ZFP91: variants seen among roughly 807,000 people sequenced by gnomAD.
The protein encoded by ZFP91 is E3 ubiquitin-protein ligase ZFP91.
A neutral mutation model predicts 63.5 loss-of-function variants in ZFP91; 7 were observed. The observed-to-expected ratio is 0.11, with a 90% CI of 0.06 to 0.21. ZFP91 has a LOEUF of 0.21. ZFP91 is among the 10% of genes least tolerant of loss of function. The pLI is 1.00. For synonymous variants in ZFP91, 330 were observed against 272.1 expected, an observed-to-expected ratio of 1.21 and a Z score of -2.10; for missense variants, 628 against 736.6, an observed-to-expected ratio of 0.85 and a Z score of 1.71.
intron 2 of ZFP91, among the ~76,000 whole-genome samples, chr11:58,609,566 T>G (rs1262716996): frequency 6.6e-6 from 1 of 152,240 alleles, no homozygotes; most frequent in Non-Finnish European, 1.5e-5. Flanking sequence ...TAAGTGTATT[T>G]TGCATAGTTA....
intron 1 of ZFP91, among the ~76,000 whole-genome samples, chr11:58,580,092 G>A (rs1468198885): frequency 9.0e-6 from 1 of 110,520 alleles, no homozygotes; most frequent in Admixed American, 8.7e-5. Context: ...TGTTTATGTA[G>A]CTTTTTTTTT....
intron 3 of ZFP91, 72 bp from the exon 4 acceptor site, chr11:58,610,225 AT>A: frequency 6.6e-7 from 1 of 1,523,740 alleles, no homozygotes; most frequent in Non-Finnish European, 8.9e-7. Flanking sequence ...TTTGATTTGC[AT>A]TTCTTGACTG....
chr11:58,607,632 T>C (rs1855589995), intron 2 of ZFP91, among the ~76,000 whole-genome samples: 2 of 152,204 alleles, frequency 1.3e-5, no homozygotes, highest in Admixed American at 1.3e-4. Context: ...TTCAGTATAT[T>C]GTCATAAAAC....
Position 58,611,632 on chromosome 11 carries a change from G to A in ZFP91, c.751G>A (p.Gly251Arg). Reference sequence around the variant, plus strand: ...AACCCCAAAGCCACGGAGAAAATCAGGGAAGGTAAAAGAAGAGAAGGAGAA... The same window carrying A: ...AACCCCAAAGCCACGGAGAAAATCAAGGAAGGTAAAAGAAGAGAAGGAGAA... ...RETPKPRRKS[G>R]KVKEEKEKKE... Residue 251 changes from glycine (G) to arginine (R), a missense_variant, in exon 6 of 11, where the codon GGG (glycine) becomes AGG (arginine). By Grantham distance (125) the Gly-to-Arg change is moderately radical. Coordinates refer to ENST00000316059, the MANE Select transcript of ZFP91 (RefSeq NM_053023.5). 1 of 1,612,572 alleles carries A rather than the reference G, an allele frequency of 6.2e-7. No individual in the cohort carries two copies. Among genetic ancestry groups the A allele is most frequent in the Non-Finnish European group, 8.5e-7 (1 of 1,179,114 alleles).
Position 58,579,474 on chromosome 11 carries a change from G to A in ZFP91, c.193G>A (p.Ala65Thr). The change falls in exon 1 of 11, where the codon GCC (alanine) becomes ACC (threonine). Residue 65 changes from alanine (A) to threonine (T), a missense_variant. Around this residue, in one of 3 missense-constraint regions of ZFP91, gnomAD observed 437 missense variants for 380.3 expected, o/e 1.15. Coordinates refer to ENST00000316059, the MANE Select transcript of ZFP91 (RefSeq NM_053023.5). ...AGGCCGGGCCGCTGCGGCCGCCGCC[G>A]CCGCAGCTGTGTCCCGCCGGAGGAA... ...DRGRAAAAAA[A>T]AAVSRRRKAE... 1.4e-6 allele frequency: 2 copies of A among 1,478,752 alleles called. No individual in the cohort carries two copies. Among genetic ancestry groups the A allele is most frequent in the Admixed American group, 2.6e-5 (1 of 38,942 alleles). The allele number at this position is 1,478,752 out of a possible 1,614,324, so 91.6% of individuals were successfully genotyped here. A position where few individuals can be genotyped will look rare whatever the true frequency, so the allele number is the denominator to read the frequency against.
chr11:58,579,148 A>T lies in ZFP91; in HGVS notation c.-134A>T, dbSNP rs965274100. 2.1e-6 allele frequency: 1 copy of T among 471,244 alleles called. No homozygotes were observed. Among genetic ancestry groups the T allele is most frequent in the Non-Finnish European group, 2.8e-6 (1 of 354,270 alleles). The allele number at this position is 471,244 out of a possible 1,614,324, so 29.2% of individuals were successfully genotyped here. A position where few individuals can be genotyped will look rare whatever the true frequency, so the allele number is the denominator to read the frequency against. On this transcript the variant is annotated 5_prime_UTR_variant, in exon 1 of 11. Transcript: ENST00000316059. ...GCGCCCTCGGAGCCGGGCGGAGGGG[A>T]GGGGGGAAAGAGGAGCGCAGGGTGA...
At chr11:58,616,956 T>C in intron 10 of ZFP91, 141 bp downstream of exon 10, 1 of 889,222 alleles carries the variant, frequency 1.1e-6, no homozygotes, top group Non-Finnish European at 1.7e-6. Context: ...GGGGCATTAG[T>C]TAGTAGCCTT....
Position 58,617,844 on chromosome 11 carries a change from A to G in ZFP91, c.*138A>G, listed in dbSNP as rs2134427589. ...CTCTTTCCATTGTGGATCACAGCAC[A>G]CACATACATACACCCTCCACCTCCC... On this transcript the variant is annotated 3_prime_UTR_variant, in exon 11 of 11. Coordinates refer to ENST00000316059, the MANE Select transcript of ZFP91 (RefSeq NM_053023.5). The surrounding 1 kb of genome is among the most constrained non-coding windows in gnomAD (Gnocchi z 4.2). 1.8e-6 allele frequency: 2 copies of G among 1,119,012 alleles called. No homozygotes were observed. The highest frequency in any genetic ancestry group is 2.3e-6 in the Non-Finnish European group (2 of 852,004). The allele number at this position is 1,119,012 out of a possible 1,614,324, so 69.3% of individuals were successfully genotyped here.
At chr11:58,595,589 TG>T (rs1287740264) in intron 2 of ZFP91, among the ~76,000 whole-genome samples, 229 of 128,508 alleles carry the variant, frequency 1.8e-3, no homozygotes, top group African/African-American at 6.1e-3. Flanking sequence ...TTTTTTTTTT[TG>T]GTTTTGAGAC....
At chr11:58,610,928 A>T in intron 4 of ZFP91, 22 bp from the exon 5 acceptor site, 1 of 1,603,670 alleles carries the variant, frequency 6.2e-7, no homozygotes, top group South Asian at 1.1e-5. Context: ...AGAATGTCTC[A>T]TTTCTATTTA....
At chr11:58,612,228 T>C (rs1477485828) in intron 6 of ZFP91, 50 bp from the exon 7 acceptor site, 1 of 1,590,066 alleles carries the variant, frequency 6.3e-7, no homozygotes, top group Non-Finnish European at 8.6e-7. Context: ...GCCTTCACTG[T>C]GTAGTTTTGA....
chr11:58,582,411 ATTAC>A (rs1033599404), intron 1 of ZFP91, among the ~76,000 whole-genome samples: 12 of 152,200 alleles, frequency 7.9e-5, no homozygotes, highest in African/African-American at 2.2e-4. Context: ...TTTATTCTGT[ATTAC>A]TTACTTGTTC....
chr11:58,584,876 C>T lies in ZFP91; in HGVS notation c.362C>T (p.Thr121Ile). ...TTCAGATGCATAGAAAAAGTAACAA[C>T]TGATAAAGGTAAGACTTGGTCATCC... ...PRLLCIEKVTTDKDPKEEKEE... is the reference protein window; with the variant it reads ...PRLLCIEKVTIDKDPKEEKEE... The change falls in exon 2 of 11, where the codon ACT becomes ATT. Residue 121 changes from threonine to isoleucine, a missense_variant. Physicochemically the swap from Thr to Ile is moderately conservative, Grantham distance 89. This residue lies in a region of ZFP91 where 437 missense variants were observed against 380.3 expected (regional missense o/e 1.15). Transcript: ENST00000316059. The T allele has an allele frequency of 2.6e-6, 4 of 1,529,752 alleles. No homozygotes were observed. Among genetic ancestry groups the T allele is most frequent in the Non-Finnish European group, 3.5e-6 (4 of 1,147,592 alleles). The allele number at this position is 1,529,752 out of a possible 1,614,324, so 94.8% of individuals were successfully genotyped here.
chr11:58,619,494 A>C lies in ZFP91; in HGVS notation c.*1788A>C, dbSNP rs544145925. 1.3e-5 allele frequency: 2 copies of C among 152,596 alleles called. No homozygotes were observed. The highest frequency in any genetic ancestry group is 3.2e-3 in the Middle Eastern group (1 of 316). The allele number at this position is 152,596 out of a possible 1,614,324, so 9.5% of individuals were successfully genotyped here. ...ATGACGTTTTGCTGGAAAAAAAAAA[A>C]AGAACAGTTTGTGTTTCACAAACAT... On this transcript the variant is annotated 3_prime_UTR_variant, in exon 11 of 11. Transcript: ENST00000316059.
chr11:58,602,397 A>C (rs1359968068), intron 2 of ZFP91, among the ~76,000 whole-genome samples: 1 of 151,686 alleles, frequency 6.6e-6, no homozygotes, highest in Non-Finnish European at 1.5e-5. Flanking sequence ...GTTTCTCTTC[A>C]GTTCTGTAAA....
At chr11:58,599,060 C>T (rs1243113260) in intron 2 of ZFP91, among the ~76,000 whole-genome samples, 1 of 151,958 alleles carries the variant, frequency 6.6e-6, no homozygotes, top group Admixed American at 6.6e-5. Context: ...ACAATATGTG[C>T]AATATGTGAC....
rs910859536 is a variant in ZFP91, at chr11:58,611,034, C to T, written c.702C>T (p.Thr234=). Residue 234 remains threonine, a synonymous_variant, in exon 5 of 11, where the codon ACC becomes ACT. Coordinates refer to ENST00000316059, the MANE Select transcript of ZFP91 (RefSeq NM_053023.5). ...IPFKDDPRDE[T]YKPHLERETP... is the part of the protein sequence containing the mutation. ...TCAAAGATGATCCAAGAGATGAGACCTACAAACCCCACTTAGAAAGGCATG... is the reference window on the plus strand; with the variant it reads ...TCAAAGATGATCCAAGAGATGAGACTTACAAACCCCACTTAGAAAGGCATG... The T allele has an allele frequency of 3.7e-6, 6 of 1,612,856 alleles. No individual in the cohort carries two copies. The highest frequency in any genetic ancestry group is 2.2e-5 in the East Asian group (1 of 44,760).
intron 2 of ZFP91, among the ~76,000 whole-genome samples, chr11:58,606,337 G>T (rs1231668311): frequency 2.6e-5 from 4 of 152,150 alleles, no homozygotes; most frequent in Non-Finnish European, 4.4e-5. Context: ...AGAGTGCTGG[G>T]ATTACAGGTG....
intron 2 of ZFP91, among the ~76,000 whole-genome samples, chr11:58,594,874 G>A (rs1446150354): frequency 7.2e-5 from 11 of 152,088 alleles, no homozygotes; most frequent in Non-Finnish European, 1.6e-4. Flanking sequence ...TGAAACATAA[G>A]GAAATACAGC....
Sources: allele counts gnomAD v4.1 joint callset (sites outside exome capture counted in the v4.1 genomes callset), GRCh38; gene constraint gnomAD v4.1.1; regional missense constraint gnomAD v4.1.1; non-coding constraint Gnocchi (gnomAD v3.1); transcripts MANE v1.5; gene names NCBI Gene and HGNC (gene_info 2026-07-23, HGNC 2026-07-21).